SMAGP: variants seen among roughly 807,000 people sequenced by gnomAD.
SMAGP encodes small cell adhesion glycoprotein.
In SMAGP, 7 loss-of-function variants were observed where a neutral mutation model predicts 10.1. That is an observed-to-expected ratio of 0.70 (90% CI 0.40 to 1.31). The LOEUF (loss-of-function observed/expected upper bound fraction) is 1.31. Ranked by LOEUF, SMAGP falls within the 50% of genes most tolerant of loss-of-function variation. The probability of loss-of-function intolerance (pLI) is 0.01; values close to 1 mark genes in which losing one functional copy is unlikely to be tolerated. For synonymous variants in SMAGP, 49 were observed against 47.2 expected, an observed-to-expected ratio of 1.04 and a Z score of -0.16; for missense variants, 113 against 116.5, an observed-to-expected ratio of 0.97 and a Z score of 0.14.
chr12:51,250,510 TG>T (rs67401589), intron 2 of SMAGP, among the ~76,000 whole-genome samples: 4 of 92,030 alleles, frequency 4.3e-5, no homozygotes, highest in Non-Finnish European at 1.1e-4. Flanking sequence ...GTTTTTTTTT[TG>T]TTTTTTTTTT....
At chr12:51,268,113 G>A (rs779908569) in intron 2 of SMAGP, among the ~76,000 whole-genome samples, 1 of 152,192 alleles carries the variant, frequency 6.6e-6, no homozygotes, top group Non-Finnish European at 1.5e-5. Context: ...CTGAGCAGTA[G>A]TGCCCGGCCT....
chr12:51,259,940 C>A (rs1283644304), intron 2 of SMAGP, among the ~76,000 whole-genome samples: 1 of 152,112 alleles, frequency 6.6e-6, no homozygotes, highest in Non-Finnish European at 1.5e-5. Flanking sequence ...GTCTTGAACT[C>A]CTGGCCTTAA....
chr12:51,257,134 G>A (rs4761804), intron 2 of SMAGP, among the ~76,000 whole-genome samples: 127,307 of 152,110 alleles, frequency 0.84, 53,686 homozygotes, highest in Middle Eastern at 0.91. Flanking sequence ...GGGAAAGGGA[G>A]TTCAAATTTG....
At chr12:51,246,527 C>T in intron 3 of SMAGP, 1 of 459,066 alleles carries the variant, frequency 2.2e-6, no homozygotes, top group South Asian at 4.6e-5. Flanking sequence ...CGTCCGTATG[C>T]ATATCTATTT....
intron 2 of SMAGP, among the ~76,000 whole-genome samples, chr12:51,247,066 G>C (rs1433026940): frequency 6.6e-6 from 1 of 152,112 alleles, no homozygotes; most frequent in African/African-American, 2.4e-5. Flanking sequence ...TAAGAGTAGG[G>C]GCTATAGAGC....
chr12:51,270,155 C>T (rs1592239697), intron 1 of SMAGP, 101 bp downstream of exon 1: 1 of 152,294 alleles, frequency 6.6e-6, no homozygotes, highest in South Asian at 2.1e-4. Flanking sequence ...GAGCGCTGAG[C>T]TTCGGCCGCT....
intron 2 of SMAGP, among the ~76,000 whole-genome samples, chr12:51,269,012 T>C (rs924180915): frequency 2.6e-5 from 4 of 152,180 alleles, no homozygotes; most frequent in African/African-American, 9.7e-5. Context: ...ATAAAATTAT[T>C]TGATAAACCG....
intron 2 of SMAGP, among the ~76,000 whole-genome samples, chr12:51,266,075 C>A (rs1944971682): frequency 6.6e-6 from 1 of 151,662 alleles, no homozygotes; most frequent in African/African-American, 2.4e-5. Flanking sequence ...GAGCGAGACT[C>A]CGTCTCAAAA....
intron 2 of SMAGP, among the ~76,000 whole-genome samples, chr12:51,263,867 A>G (rs1944950145): frequency 6.6e-6 from 1 of 152,170 alleles, no homozygotes. Flanking sequence ...TAATTAGAAG[A>G]AGGAAAAGAA....
At position 51,245,414 on chromosome 12, in the gene SMAGP, A is replaced by G. The variant is rs1013281813; in HGVS notation, c.*527T>C. On this transcript the variant is annotated 3_prime_UTR_variant, in exon 4 of 4. Transcript: ENST00000603798. ...CACGTAAGCATGAGGTTGTTGGGGA[A>G]CACGGAAAGGAAGGGCTCAGATTAG... The G allele has an allele frequency of 6.5e-6, 1 of 152,858 alleles. No homozygotes were observed. The highest frequency in any genetic ancestry group is 1.5e-5 in the Non-Finnish European group (1 of 68,200). 9.5% of individuals were successfully genotyped at this position (152,858 alleles called of 1,614,324 possible).
At chr12:51,253,390 T>C (rs1229469360) in intron 2 of SMAGP, among the ~76,000 whole-genome samples, 2 of 152,158 alleles carry the variant, frequency 1.3e-5, no homozygotes, top group Non-Finnish European at 2.9e-5. Flanking sequence ...AGCAATCTCA[T>C]TGCTGGGTGG....
chr12:51,260,679 ATT>A (rs1162152346), intron 2 of SMAGP, among the ~76,000 whole-genome samples: 829 of 78,316 alleles, frequency 0.011, 6 homozygotes, highest in African/African-American at 0.043. Context: ...CGCCCGGCCA[ATT>A]TTTTTTTTTT....
At chr12:51,255,531 A>T (rs944164795) in intron 2 of SMAGP, among the ~76,000 whole-genome samples, 1 of 152,154 alleles carries the variant, frequency 6.6e-6, no homozygotes, top group East Asian at 1.9e-4. Context: ...GAGAGGCCAT[A>T]TGGAGGAAAA....
At chr12:51,264,627 TA>T (rs576531152) in intron 2 of SMAGP, among the ~76,000 whole-genome samples, 2,922 of 101,100 alleles carry the variant, frequency 0.029, 81 homozygotes, top group East Asian at 0.11. Context: ...TCCCATCTCT[TA>T]AAAAAAAAAA....
chr12:51,265,924 T>C (rs370138505), intron 2 of SMAGP, among the ~76,000 whole-genome samples: 3 of 152,106 alleles, frequency 2.0e-5, no homozygotes, highest in South Asian at 4.1e-4. Flanking sequence ...CTACTAAAAA[T>C]ACAAAAAATT....
At chr12:51,259,280 ATTTTAAAATTT>A (rs1488107091) in intron 2 of SMAGP, among the ~76,000 whole-genome samples, 1 of 152,168 alleles carries the variant, frequency 6.6e-6, no homozygotes, top group Admixed American at 6.6e-5. Flanking sequence ...AGATTCGACA[ATTTTAAAATTT>A]TTTGTACAGA....
intron 2 of SMAGP, among the ~76,000 whole-genome samples, chr12:51,265,805 C>T (rs1343754633): frequency 6.6e-6 from 1 of 152,096 alleles, no homozygotes; most frequent in Non-Finnish European, 1.5e-5. Context: ...CAGTAGTCCC[C>T]CCAGGCCAGG....
chr12:51,267,303 G>A (rs775141441), intron 2 of SMAGP, among the ~76,000 whole-genome samples: 2 of 151,968 alleles, frequency 1.3e-5, no homozygotes, highest in African/African-American at 2.4e-5. Flanking sequence ...CACATGGTAT[G>A]AGGTATTCTA....
At chr12:51,250,192 A>G (rs1944822790) in intron 2 of SMAGP, among the ~76,000 whole-genome samples, 1 of 140,752 alleles carries the variant, frequency 7.1e-6, no homozygotes, top group Non-Finnish European at 1.5e-5. Flanking sequence ...CAACACAGTA[A>G]GACTCTGTCT....
Sources: allele counts gnomAD v4.1 joint callset (sites outside exome capture counted in the v4.1 genomes callset), GRCh38; gene constraint gnomAD v4.1.1; transcripts MANE v1.5; gene names NCBI Gene and HGNC (gene_info 2026-07-23, HGNC 2026-07-21).